The following HDAC9 variants were observed in gnomAD, a reference collection of about 807,000 sequenced individuals.
The protein encoded by HDAC9 is MEF-2 interacting transcription repressor (MITR) protein.
Under a neutral mutation model 139.4 loss-of-function variants are expected in HDAC9, and 41 were observed. The ratio of observed to expected loss-of-function variants is 0.29; its 90% CI spans 0.23 to 0.38. The LOEUF is 0.38. HDAC9 is among the 10% of genes least tolerant of loss of function. The probability of loss-of-function intolerance (pLI) is 1.00; values close to 1 mark genes in which losing one functional copy is unlikely to be tolerated. For missense variants in HDAC9, 1,147 were observed against 1,297.0 expected, an observed-to-expected ratio of 0.88 and a Z score of 1.78; for synonymous variants, 517 against 476.2, an observed-to-expected ratio of 1.09 and a Z score of -1.12.
At chr7:18,888,804 G>A (rs1800405842) in intron 22 of HDAC9, among the ~76,000 whole-genome samples, 1 of 152,150 alleles carries the variant, frequency 6.6e-6, no homozygotes, top group Non-Finnish European at 1.5e-5. Flanking sequence ...TATGAATTTT[G>A]TAAATACTGG....
At chr7:18,153,968 A>G (rs1468935230) in intron 1 of HDAC9, among the ~76,000 whole-genome samples, 2 of 152,338 alleles carry the variant, frequency 1.3e-5, no homozygotes, top group East Asian at 3.9e-4. Context: ...CAGGTAGAAC[A>G]GTGAGTAAAA....
At chr7:18,204,670 C>T (rs1791369708) in intron 2 of HDAC9, among the ~76,000 whole-genome samples, 1 of 151,342 alleles carries the variant, frequency 6.6e-6, no homozygotes, top group Admixed American at 6.6e-5. Context: ...TTCTTTTTTT[C>T]TTCATGTGTC....
chr7:18,419,899 C>T (rs184926675), intron 1 of HDAC9, among the ~76,000 whole-genome samples: 7 of 152,192 alleles, frequency 4.6e-5, no homozygotes, highest in Admixed American at 6.5e-5. Context: ...TAGCCTGTTT[C>T]CTGCACATTG....
chr7:18,806,307 A>G (rs953913380), intron 17 of HDAC9, among the ~76,000 whole-genome samples: 2 of 152,138 alleles, frequency 1.3e-5, no homozygotes, highest in Admixed American at 6.5e-5. Flanking sequence ...TTTTGACAGG[A>G]CTCAATGGGC....
At chr7:18,356,693 C>T (rs770230899) in intron 1 of HDAC9, among the ~76,000 whole-genome samples, 1 of 151,476 alleles carries the variant, frequency 6.6e-6, no homozygotes, top group Non-Finnish European at 1.5e-5. Context: ...TGAATAAAAC[C>T]GGTATTTGCA....
intron 1 of HDAC9, among the ~76,000 whole-genome samples, chr7:18,459,685 A>T (rs1212069709): frequency 6.7e-6 from 1 of 149,322 alleles, no homozygotes; most frequent in South Asian, 2.1e-4. Flanking sequence ...GATTTGGGGG[A>T]TTATGCTGGA....
At chr7:18,535,578 C>G (rs1235957643) in intron 2 of HDAC9, among the ~76,000 whole-genome samples, 1 of 151,590 alleles carries the variant, frequency 6.6e-6, no homozygotes, top group African/African-American at 2.4e-5. Flanking sequence ...ATTAATAGCT[C>G]ATCCATGCAG....
chr7:18,562,898 C>T (rs1460861224), intron 2 of HDAC9, among the ~76,000 whole-genome samples: 1 of 151,954 alleles, frequency 6.6e-6, no homozygotes, highest in Non-Finnish European at 1.5e-5. Context: ...GTTTTTCATT[C>T]GTTTAGATCT....
intron 1 of HDAC9, among the ~76,000 whole-genome samples, chr7:18,148,848 A>G (rs1291962070): frequency 6.6e-6 from 1 of 152,172 alleles, no homozygotes; most frequent in Non-Finnish European, 1.5e-5. Context: ...TCATTTTATT[A>G]GCAACCTAAA....
rs1193896268 is a variant in HDAC9, at chr7:18,634,679, T to C, written c.849T>C (p.Asn283=). ...GCTCTGGTCCCAGTTCACCAAACAA[T>C]GGGCCAACTGGAAGTGTTACTGAAA... The part of the protein sequence containing the change: ...SPGSGPSSPN[N]GPTGSVTENE... Residue 283 remains asparagine, a synonymous_variant, in exon 8 of 26, where the codon AAT becomes AAC. Transcript: ENST00000686413. 6.3e-7 allele frequency: 1 copy of C among 1,598,048 alleles called. No individual in the cohort carries two copies. Among genetic ancestry groups the C allele is most frequent in the Non-Finnish European group, 8.5e-7 (1 of 1,171,552 alleles).
intron 2 of HDAC9, among the ~76,000 whole-genome samples, chr7:18,166,105 A>AT (rs1249664453): frequency 1.3e-5 from 2 of 152,284 alleles, no homozygotes; most frequent in South Asian, 2.1e-4. Flanking sequence ...TGATGAATCT[A>AT]TTTTTTGTAA....
At chr7:18,284,607 T>G (rs776502226) in intron 2 of HDAC9, among the ~76,000 whole-genome samples, 7 of 152,184 alleles carry the variant, frequency 4.6e-5, no homozygotes, top group Non-Finnish European at 1.0e-4. Context: ...TGAATTCTGG[T>G]TCTTGATTTA....
intron 16 of HDAC9, among the ~76,000 whole-genome samples, chr7:18,777,666 C>G (rs1287813420): frequency 6.6e-6 from 1 of 151,896 alleles, no homozygotes; most frequent in Non-Finnish European, 1.5e-5. Context: ...AAAAACTTGG[C>G]TAAATTTTTT....
At chr7:18,612,462 CAGAT>C (rs1343785809) in intron 6 of HDAC9, among the ~76,000 whole-genome samples, 2 of 151,738 alleles carry the variant, frequency 1.3e-5, no homozygotes, top group East Asian at 1.9e-4. Flanking sequence ...AGATGACTGT[CAGAT>C]AGAGAAGGGG....
chr7:18,460,952 A>G (rs983483637), intron 1 of HDAC9, among the ~76,000 whole-genome samples: 1 of 152,160 alleles, frequency 6.6e-6, no homozygotes, highest in African/African-American at 2.4e-5. Flanking sequence ...CCTATTTAAT[A>G]GGCTCTGGAA....
At chr7:18,149,350 T>G (rs1786580540) in intron 1 of HDAC9, among the ~76,000 whole-genome samples, 1 of 148,374 alleles carries the variant, frequency 6.7e-6, no homozygotes, top group African/African-American at 2.4e-5. Flanking sequence ...AATTAATAAT[T>G]TTTTCTTTTT....
At chr7:18,898,726 A>G (rs1801435432) in intron 22 of HDAC9, among the ~76,000 whole-genome samples, 1 of 151,954 alleles carries the variant, frequency 6.6e-6, no homozygotes, top group African/African-American at 2.4e-5. Context: ...GAAAAAAAGG[A>G]TAAGACTTTT....
At chr7:18,753,428 C>A (rs189245087) in intron 14 of HDAC9, among the ~76,000 whole-genome samples, 1 of 151,936 alleles carries the variant, frequency 6.6e-6, no homozygotes, top group African/African-American at 2.4e-5. Context: ...ATAACTTGCC[C>A]TCTTTGTGTT....
At chr7:18,311,004 T>C (rs540401072) in intron 1 of HDAC9, among the ~76,000 whole-genome samples, 5 of 152,218 alleles carry the variant, frequency 3.3e-5, no homozygotes, top group Admixed American at 1.3e-4. Context: ...ATTAATTAAA[T>C]TGTAATAAGA....
Sources: allele counts gnomAD v4.1 joint callset (sites outside exome capture counted in the v4.1 genomes callset), GRCh38; gene constraint gnomAD v4.1.1; transcripts MANE v1.5; gene names NCBI Gene and HGNC (gene_info 2026-07-23, HGNC 2026-07-21).